SANBR: variants seen among roughly 807,000 people sequenced by gnomAD.
SANBR encodes the protein SANT and BTB domain regulator of class switch recombination.
In SANBR, 77 loss-of-function variants were observed where a neutral mutation model predicts 101.8. That is an observed-to-expected ratio of 0.76 (90% CI 0.63 to 0.91). The LOEUF is 0.91. SANBR is among the 40% of genes least tolerant of loss of function. The probability of loss-of-function intolerance (pLI) is 0.00; values close to 1 mark genes in which losing one functional copy is unlikely to be tolerated. For missense variants in SANBR, 875 were observed against 853.0 expected (o/e 1.03, Z -0.32); for synonymous variants, 279 against 274.7 (o/e 1.02, Z -0.15).
intron 16 of SANBR, among the ~76,000 whole-genome samples, chr2:61,111,705 C>T (rs1683838568): frequency 1.3e-5 from 2 of 152,208 alleles, no homozygotes; most frequent in South Asian, 4.1e-4. Flanking sequence ...CCCCTTTGTA[C>T]TCAGTTCCCT....
Position 61,068,851 on chromosome 2 carries a change from GA to G in SANBR, c.-143del, listed in dbSNP as rs1681315381. 6.6e-6 allele frequency: 1 copy of G among 152,312 alleles called. No homozygotes were observed. The highest frequency in any genetic ancestry group is 2.4e-5 in the African/African-American group (1 of 41,448). 9.4% of individuals were successfully genotyped at this position (152,312 alleles called of 1,614,324 possible). A position where few individuals can be genotyped will look rare whatever the true frequency, so the allele number is the denominator to read the frequency against. On this transcript the variant is annotated 5_prime_UTR_variant, in exon 2 of 22. The change creates a premature stop within an existing upstream ORF in the 5' untranslated region. Transcript: ENST00000402291. ...CTATTATTATCTTTGTTTTACAGAT[GA>G]GGAAATTGAGGCACAGAGATTAACT...
downstream of SANBR, among the ~76,000 whole-genome samples, chr2:61,127,947 C>T (rs1259627485): frequency 6.6e-6 from 1 of 152,034 alleles, no homozygotes; most frequent in African/African-American, 2.4e-5. Context: ...TGTGCAAGGA[C>T]AAGGAGAAAA....
intron 20 of SANBR, among the ~76,000 whole-genome samples, chr2:61,130,155 A>G (rs1372936637): frequency 1.3e-5 from 2 of 152,106 alleles, no homozygotes; most frequent in Middle Eastern, 3.4e-3. Flanking sequence ...TGCATTAAGT[A>G]AATATTTTCT....
Position 61,122,423 on chromosome 2 carries a change from G to C in SANBR, c.*261G>C. ...AAGCAATTATTTACAAATTTGCATAGTTGAGACTCCCAGTGTTTTCCTTTA... is the reference window on the plus strand; with the variant it reads ...AAGCAATTATTTACAAATTTGCATACTTGAGACTCCCAGTGTTTTCCTTTA... On this transcript the variant is annotated 3_prime_UTR_variant, in exon 22 of 22. Coordinates refer to ENST00000402291, the MANE Select transcript of SANBR (RefSeq NM_001129993.3). 1 of 1,183,608 alleles carries C rather than the reference G, an allele frequency of 8.4e-7. No individual in the cohort carries two copies. The highest frequency in any genetic ancestry group is 1.0e-6 in the Non-Finnish European group (1 of 957,182). 73.3% of individuals were successfully genotyped at this position (1,183,608 alleles called of 1,614,324 possible).
In SANBR at chr2:61,070,555, A is replaced by G. The variant is rs1681408325; in HGVS notation, c.150+55A>G. Reference sequence around the variant, plus strand: ...TGAAAATGTTCAGAAAAGGTCATCAATTTAAAGAAACACCAAGAGAGAGAA... The same window carrying G: ...TGAAAATGTTCAGAAAAGGTCATCAGTTTAAAGAAACACCAAGAGAGAGAA... On this transcript the variant is annotated intron_variant, in intron 3 of 21. Transcript: ENST00000402291. 3.3e-6 allele frequency: 5 copies of G among 1,518,364 alleles called. No homozygotes were observed. The South Asian group carries it at 6.1e-5, about 19-fold the overall frequency. The allele number at this position is 1,518,364 out of a possible 1,614,324, so 94.1% of individuals were successfully genotyped here. A position where few individuals can be genotyped will look rare whatever the true frequency, so the allele number is the denominator to read the frequency against.
intron 2 of SANBR, among the ~76,000 whole-genome samples, chr2:61,069,241 A>G (rs981477287): frequency 2.6e-5 from 4 of 152,176 alleles, no homozygotes; most frequent in South Asian, 2.1e-4. Context: ...TCTAAATACT[A>G]TTATTTATGC....
chr2:61,081,603 A>C, intron 7 of SANBR, 93 bp downstream of exon 7: 4 of 1,251,374 alleles, frequency 3.2e-6, no homozygotes, highest in Non-Finnish European at 4.3e-6. Flanking sequence ...CTTTATTAAA[A>C]TTATTGTTAA....
chr2:61,128,424 G>A (rs1684580285), downstream of SANBR, among the ~76,000 whole-genome samples: 1 of 152,180 alleles, frequency 6.6e-6, no homozygotes, highest in South Asian at 2.1e-4. Flanking sequence ...CGAGGCCAGG[G>A]AGGGAGGATT....
intron 1 of SANBR, 34 bp downstream of exon 1, chr2:61,066,061 C>T (rs1681130267): frequency 6.6e-5 from 10 of 152,292 alleles, no homozygotes; most frequent in Admixed American, 5.9e-4. Flanking sequence ...CGGGTGCCCA[C>T]CGCGGGGCGG....
At chr2:61,088,503 G>GTATATA in intron 10 of SANBR, 35 bp downstream of exon 10, 2 of 1,129,996 alleles carry the variant, frequency 1.8e-6, no homozygotes, top group Non-Finnish European at 2.5e-6. Flanking sequence ...ATGTATTTTT[G>GTATATA]TATATATATA....
intron 11 of SANBR, among the ~76,000 whole-genome samples, chr2:61,093,551 C>T (rs987435639): frequency 4.6e-5 from 7 of 151,716 alleles, no homozygotes; most frequent in African/African-American, 9.7e-5. Flanking sequence ...GCTGAGATTG[C>T]GCCATTGCAC....
chr2:61,104,228 A>G (rs1683430838), intron 13 of SANBR, among the ~76,000 whole-genome samples: 2 of 152,158 alleles, frequency 1.3e-5, no homozygotes, highest in African/African-American at 4.8e-5. Context: ...CACACCTGTA[A>G]TCCCAGCACT....
chr2:61,079,642 G>C (rs1304920919), intron 6 of SANBR, among the ~76,000 whole-genome samples: 1 of 151,986 alleles, frequency 6.6e-6, no homozygotes, highest in Non-Finnish European at 1.5e-5. Flanking sequence ...AACATGTAGA[G>C]AGAGAAAAAA....
intron 20 of SANBR, among the ~76,000 whole-genome samples, chr2:61,120,476 G>GT (rs1280472603): frequency 6.6e-6 from 1 of 152,144 alleles, no homozygotes; most frequent in Non-Finnish European, 1.5e-5. Flanking sequence ...CTCTAGCCTG[G>GT]GCAACACAGA....
chr2:61,106,571 G>C lies in SANBR; in HGVS notation c.1520G>C (p.Gly507Ala). ...TGTCTTTTTCTTTCAAGTGATGTTG[G>C]GGTTGGCCTCTGTGATGAAAAGGGT... ...PFSKDTVSDV[G>A]VGLCDEKGIE... The change falls in exon 14 of 22, where the codon GGG becomes GCG. Residue 507 changes from glycine (G) to alanine (A), a missense_variant. Transcript: ENST00000402291. 6.3e-7 allele frequency: 1 copy of C among 1,594,202 alleles called. No homozygotes were observed. Among genetic ancestry groups the C allele is most frequent in the Non-Finnish European group, 8.5e-7 (1 of 1,172,114 alleles).
intron 21 of SANBR, among the ~76,000 whole-genome samples, chr2:61,134,674 CACA>C (rs1371988789): frequency 6.6e-6 from 1 of 152,074 alleles, no homozygotes; most frequent in Non-Finnish European, 1.5e-5. Context: ...GTGGGCGGAT[CACA>C]ACGTCAGGAT....
chr2:61,133,098 A>G (rs1161919348), intron 20 of SANBR, among the ~76,000 whole-genome samples: 1 of 152,192 alleles, frequency 6.6e-6, no homozygotes, highest in African/African-American at 2.4e-5. Flanking sequence ...CTAAAAGTAC[A>G]AAAATTAGCC....
intron 8 of SANBR, 23 bp from the exon 9 acceptor site, chr2:61,088,136 T>C (rs1682541127): frequency 3.0e-6 from 4 of 1,334,484 alleles, no homozygotes; most frequent in East Asian, 2.3e-5. Context: ...AAAATTAATA[T>C]TTTGGTCATT....
At chr2:61,080,115 T>A (rs2104868633) in intron 6 of SANBR, among the ~76,000 whole-genome samples, 1 of 146,658 alleles carries the variant, frequency 6.8e-6, no homozygotes, top group East Asian at 2.0e-4. Flanking sequence ...GAGAATCGCT[T>A]GAAACCGGAA....
Sources: allele counts gnomAD v4.1 joint callset (sites outside exome capture counted in the v4.1 genomes callset), GRCh38; gene constraint gnomAD v4.1.1; transcripts MANE v1.5; gene names NCBI Gene and HGNC (gene_info 2026-07-23, HGNC 2026-07-21).